RBMS3: variants seen among roughly 807,000 people sequenced by gnomAD.
RBMS3 encodes RNA-binding motif, single-stranded-interacting protein 3.
In RBMS3, 27 loss-of-function variants were observed where a neutral mutation model predicts 66.8. The observed-to-expected ratio is 0.40, with a 90% CI of 0.30 to 0.56. The LOEUF (loss-of-function observed/expected upper bound fraction) is 0.56, where lower values mean the gene tolerates loss of function less well. Among genes scored for constraint, RBMS3 ranks in the 20% least tolerant of loss-of-function variants. The probability of loss-of-function intolerance (pLI) is 0.40; values close to 1 mark genes in which losing one functional copy is unlikely to be tolerated. For synonymous variants in RBMS3, 188 were observed against 183.0 expected (o/e 1.03, Z -0.22); for missense variants, 513 against 549.5 (o/e 0.93, Z 0.66).
intron 2 of RBMS3, among the ~76,000 whole-genome samples, chr3:29,474,786 A>G (rs2042887541): frequency 6.6e-6 from 1 of 152,242 alleles, no homozygotes; most frequent in Non-Finnish European, 1.5e-5. Flanking sequence ...CTAAAATTAG[A>G]CAAAGCAAGT....
intron 5 of RBMS3, among the ~76,000 whole-genome samples, chr3:29,761,064 A>G (rs2055664161): frequency 6.6e-6 from 1 of 151,418 alleles, no homozygotes. Context: ...AATTAGGGTG[A>G]AATATGACAA....
intron 3 of RBMS3, among the ~76,000 whole-genome samples, chr3:29,578,673 G>C (rs2047208456): frequency 6.6e-6 from 1 of 151,846 alleles, no homozygotes; most frequent in Non-Finnish European, 1.5e-5. Flanking sequence ...GAAAATGCTA[G>C]TGTGCAAAAG....
chr3:29,711,006 C>A (rs1289995772), intron 4 of RBMS3, among the ~76,000 whole-genome samples: 6 of 151,668 alleles, frequency 4.0e-5, no homozygotes, highest in South Asian at 2.1e-4. Flanking sequence ...GTAGCTCCCC[C>A]CTTATTTGCA....
chr3:29,567,403 C>T (rs1050453878), intron 3 of RBMS3, among the ~76,000 whole-genome samples: 2 of 152,146 alleles, frequency 1.3e-5, no homozygotes, highest in Non-Finnish European at 2.9e-5. Context: ...ACCTTCTTCA[C>T]ACTCATGCTT....
intron 2 of RBMS3, among the ~76,000 whole-genome samples, chr3:29,472,194 ATTTTTTTT>A (rs11326167): frequency 7.1e-6 from 1 of 139,960 alleles, no homozygotes; most frequent in East Asian, 2.1e-4. Context: ...GCCTCTTCTA[ATTTTTTTT>A]TTTTTTTTTT....
intron 5 of RBMS3, 64 bp from the exon 6 acceptor site, chr3:29,762,846 T>C (rs2055752865): frequency 3.0e-5 from 34 of 1,151,196 alleles, no homozygotes; most frequent in African/African-American, 4.8e-5. Context: ...TTGTTTTCCT[T>C]TACTTCTTAA....
intron 12 of RBMS3, among the ~76,000 whole-genome samples, chr3:29,956,391 A>C (rs966729714): frequency 6.6e-6 from 1 of 152,072 alleles, no homozygotes; most frequent in Admixed American, 6.6e-5. Flanking sequence ...ATATTTGCAC[A>C]TTCCTCGCTA....
At chr3:29,415,060 G>A (rs946104844) in intron 1 of RBMS3, among the ~76,000 whole-genome samples, 3 of 152,124 alleles carry the variant, frequency 2.0e-5, no homozygotes, top group Non-Finnish European at 2.9e-5. Context: ...GATGTGAGTG[G>A]CCACACTGGA....
At chr3:29,640,365 A>C (rs2049654669) in intron 4 of RBMS3, among the ~76,000 whole-genome samples, 1 of 151,890 alleles carries the variant, frequency 6.6e-6, no homozygotes, top group Admixed American at 6.6e-5. Flanking sequence ...AGCATATATT[A>C]CCTGCATAAC....
At chr3:29,512,546 T>C (rs1415058362) in intron 3 of RBMS3, among the ~76,000 whole-genome samples, 1 of 152,174 alleles carries the variant, frequency 6.6e-6, no homozygotes, top group Non-Finnish European at 1.5e-5. Flanking sequence ...TTCTATTTAT[T>C]TATATTTTCC....
chr3:29,612,079 G>A (rs1308613193), intron 4 of RBMS3, among the ~76,000 whole-genome samples: 1 of 151,938 alleles, frequency 6.6e-6, no homozygotes, highest in Admixed American at 6.6e-5. Context: ...TAATATCTAT[G>A]TCATAGGGTT....
At chr3:29,842,396 C>T (rs2058681924) in intron 6 of RBMS3, among the ~76,000 whole-genome samples, 1 of 152,032 alleles carries the variant, frequency 6.6e-6, no homozygotes, top group Non-Finnish European at 1.5e-5. Context: ...AATATGTGGC[C>T]ATGTAACTAA....
At position 30,004,501 on chromosome 3, in the gene RBMS3, TTAAGAC is replaced by T. The variant is rs1223304473; in HGVS notation, c.*642_*647del. 1 of 152,202 alleles carries T rather than the reference TTAAGAC, an allele frequency of 6.6e-6. No homozygotes were observed. The highest frequency in any genetic ancestry group is 1.5e-5 in the Non-Finnish European group (1 of 67,818). The allele number at this position is 152,202 out of a possible 1,614,324, so 9.4% of individuals were successfully genotyped here. On this transcript the variant is annotated 3_prime_UTR_variant, in exon 15 of 15. Coordinates refer to ENST00000383767, the MANE Select transcript of RBMS3 (RefSeq NM_001003793.3). Reference sequence around the variant, plus strand: ...TGCCGGCTTTCACTGGCACAGAAGTTTAAGACTATGAGTTTTTAGGGTGAAGAAAAA... The same window carrying T: ...TGCCGGCTTTCACTGGCACAGAAGTTTATGAGTTTTTAGGGTGAAGAAAAA...
chr3:29,987,431 A>G (rs1176914234), intron 12 of RBMS3, among the ~76,000 whole-genome samples: 1 of 152,156 alleles, frequency 6.6e-6, no homozygotes, highest in Non-Finnish European at 1.5e-5. Context: ...TACATAATTT[A>G]TTGACTACTA....
At chr3:29,495,562 C>T (rs190081434) in intron 3 of RBMS3, among the ~76,000 whole-genome samples, 21 of 151,372 alleles carry the variant, frequency 1.4e-4, no homozygotes, top group South Asian at 1.3e-3. Flanking sequence ...ATTACAGGTG[C>T]GCGCCACCAT....
intron 2 of RBMS3, among the ~76,000 whole-genome samples, chr3:29,455,551 T>C (rs1416665265): frequency 1.3e-5 from 2 of 152,202 alleles, no homozygotes; most frequent in Non-Finnish European, 2.9e-5. Context: ...CTGTTTTGCA[T>C]GTTTCTGTTT....
chr3:29,564,048 G>A (rs2046651913), intron 3 of RBMS3, among the ~76,000 whole-genome samples: 1 of 151,182 alleles, frequency 6.6e-6, no homozygotes, highest in African/African-American at 2.4e-5. Flanking sequence ...AGAAAAGAAA[G>A]AAGGAAAGGT....
intron 14 of RBMS3, among the ~76,000 whole-genome samples, chr3:29,993,916 C>CG (rs376565166): frequency 6.6e-5 from 10 of 152,056 alleles, no homozygotes; most frequent in East Asian, 1.9e-4. Flanking sequence ...ATCTCTGTAT[C>CG]GGGGGGAGGA....
intron 3 of RBMS3, among the ~76,000 whole-genome samples, chr3:29,586,570 AAATGG>A (rs1355002831): frequency 6.6e-6 from 1 of 152,180 alleles, no homozygotes; most frequent in Non-Finnish European, 1.5e-5. Flanking sequence ...CTTAGTAATC[AAATGG>A]AACTAGGTTT....
Sources: allele counts gnomAD v4.1 joint callset (sites outside exome capture counted in the v4.1 genomes callset), GRCh38; gene constraint gnomAD v4.1.1; transcripts MANE v1.5; gene names NCBI Gene and HGNC (gene_info 2026-07-23, HGNC 2026-07-21).